The following TUBB8B variants were observed in gnomAD, a reference collection of about 807,000 sequenced individuals.
TUBB8B encodes the protein HSA18p11 beta-tubulin 4Q pseudogene.
TUBB8B carries 26 observed loss-of-function variants against 31.9 expected under a neutral mutation model. That is an observed-to-expected ratio of 0.81 (90% confidence interval 0.60 to 1.13). The LOEUF (loss-of-function observed/expected upper bound fraction) is 1.13. TUBB8B is among the 50% of genes most tolerant of loss of function. The probability of loss-of-function intolerance (pLI) is 0.00; values close to 1 mark genes in which losing one functional copy is unlikely to be tolerated. For synonymous variants in TUBB8B, 173 were observed against 231.0 expected (o/e 0.75, Z 2.28); for missense variants, 467 against 586.7 (o/e 0.80, Z 2.11).
the TUBB8B span, among the ~76,000 whole-genome samples, chr18:62,693 T>C: frequency 6.6e-6 from 1 of 151,866 alleles, no homozygotes; most frequent in African/African-American, 2.4e-5. Flanking sequence ...AGTGCTGGGA[T>C]TACAGGCGTG....
the TUBB8B span, among the ~76,000 whole-genome samples, chr18:68,507 TCCCAGCTGGGTCTGCC>T: frequency 3.3e-5 from 5 of 152,276 alleles, no homozygotes; most frequent in East Asian, 9.7e-4. Flanking sequence ...GGCAGATAAC[TCCCAGCTGGGTCTGCC>T]CCGTGTTTCC....
chr18:70,538 G>C, the TUBB8B span, among the ~76,000 whole-genome samples: 1 of 152,216 alleles, frequency 6.6e-6, no homozygotes, highest in African/African-American at 2.4e-5. Context: ...TCGGGGCTGA[G>C]GAAGGAGAAT....
At chr18:58,789 A>G in the TUBB8B span, among the ~76,000 whole-genome samples, 1 of 151,682 alleles carries the variant, frequency 6.6e-6, no homozygotes, top group Non-Finnish European at 1.5e-5. Context: ...TCCCATCACT[A>G]TAAATACCTG....
At chr18:65,146 C>T in the TUBB8B span, among the ~76,000 whole-genome samples, 4 of 151,852 alleles carry the variant, frequency 2.6e-5, no homozygotes, top group South Asian at 2.1e-4. Context: ...ACTAAAAATA[C>T]AAAAATTAGC....
chr18:62,364 T>A, the TUBB8B span, among the ~76,000 whole-genome samples: 1 of 151,638 alleles, frequency 6.6e-6, no homozygotes, highest in South Asian at 2.1e-4. Flanking sequence ...TGTACTTGAA[T>A]GTTGATATCA....
the TUBB8B span, among the ~76,000 whole-genome samples, chr18:63,365 G>A: frequency 6.6e-6 from 1 of 151,750 alleles, no homozygotes; most frequent in Non-Finnish European, 1.5e-5. Context: ...GGTGGCCTTG[G>A]ATTAACATTA....
upstream of TUBB8B, among the ~76,000 whole-genome samples, chr18:53,046 G>T (rs1465690720): frequency 2.0e-5 from 3 of 151,706 alleles, no homozygotes; most frequent in Admixed American, 2.0e-4. Flanking sequence ...TTTCAGGCTT[G>T]GTGGAAGATG....
chr18:52,168 GA>G (rs1906136263), upstream of TUBB8B, among the ~76,000 whole-genome samples: 1 of 151,976 alleles, frequency 6.6e-6, no homozygotes, highest in Non-Finnish European at 1.5e-5. Context: ...TTGCCAACTA[GA>G]AAAGTGGTAG....
the TUBB8B span, among the ~76,000 whole-genome samples, chr18:68,885 G>A: frequency 3.3e-5 from 5 of 152,122 alleles, no homozygotes; most frequent in Admixed American, 6.6e-5. Context: ...GGTGTCTCGA[G>A]TATTTAATGC....
chr18:53,859 C>G (rs1263895049), upstream of TUBB8B, among the ~76,000 whole-genome samples: 1 of 151,864 alleles, frequency 6.6e-6, no homozygotes, highest in East Asian at 1.9e-4. Flanking sequence ...TAGGAGAAGA[C>G]TGAGGACAAA....
the TUBB8B span, among the ~76,000 whole-genome samples, chr18:63,168 C>T: frequency 0.094 from 14,188 of 151,532 alleles, 1,211 homozygotes; most frequent in East Asian, 0.44. Context: ...GTCATGTTTT[C>T]CTGGATGGCC....
the TUBB8B span, chr18:73,455 A>ACCCCCCGTCCTCACG: frequency 6.8e-6 from 1 of 146,896 alleles, no homozygotes; most frequent in Admixed American, 7.1e-5. Context: ...CCGTCCTCAC[A>ACCCCCCGTCCTCACG]GTGGACCCCC....
the TUBB8B span, among the ~76,000 whole-genome samples, chr18:55,477 A>T: frequency 1.3e-5 from 2 of 151,810 alleles, no homozygotes; most frequent in African/African-American, 4.8e-5. Flanking sequence ...GGAAACTTAC[A>T]ATCATGGCAG....
the TUBB8B span, among the ~76,000 whole-genome samples, chr18:63,793 C>T: frequency 2.0e-5 from 3 of 148,686 alleles, no homozygotes; most frequent in Admixed American, 6.7e-5. Context: ...TAGCCCTAAC[C>T]GTTACGCTAA....
chr18:47,503 A>G lies in TUBB8B; in HGVS notation c.1222T>C (p.Phe408Leu). The G allele has an allele frequency of 1.3e-6, 2 of 1,585,482 alleles. No individual in the cohort carries two copies. The highest frequency in any genetic ancestry group is 1.3e-5 in the African/African-American group (1 of 74,266). The change falls in exon 4 of 4, where the codon TTC becomes CTC. Residue 408 changes from phenylalanine (F) to leucine (L), a missense_variant. By Grantham distance (22) the Phe-to-Leu change is conservative. This residue lies in a region of TUBB8B where 208 missense variants were observed against 206.7 expected (regional missense o/e 1.01). Transcript: ENST00000308911. ...TTCATGTTGCTCTCGGCCTCGGTGA[A>G]TTCCATCTCATCCATGCCCTCGCCC... ...YTGEGMDEME[F>L]TEAESNMNDL...
At chr18:53,396 T>C (rs549958230), upstream of TUBB8B, among the ~76,000 whole-genome samples, 3 of 152,068 alleles carry the variant, frequency 2.0e-5, no homozygotes, top group East Asian at 5.8e-4. Context: ...TGATTATAGT[T>C]AATATGCAAG....
chr18:68,840 G>A, the TUBB8B span, among the ~76,000 whole-genome samples: 148 of 152,174 alleles, frequency 9.7e-4, 1 homozygote, highest in African/African-American at 3.4e-3. Flanking sequence ...CTGCAGTCTC[G>A]TATGCTCTCT....
chr18:47,971 T>C lies in TUBB8B; in HGVS notation c.754A>G (p.Lys252Glu). The C allele has an allele frequency of 6.2e-7, 1 of 1,611,598 alleles. No homozygotes were observed. Among genetic ancestry groups the C allele is most frequent in the Non-Finnish European group, 8.5e-7 (1 of 1,179,906 alleles). ...FPGQLNADLR[K>E]LAVNMVPFPR... ...AACGGGACCATGTTCACGGCCAGCT[T>C]CCGCAGGTCAGCATTCAGCTGGCCT... is the stretch of plus-strand genomic sequence containing the variant. Residue 252 changes from lysine to glutamate, a missense_variant, in exon 4 of 4, where the codon AAG (lysine) becomes GAG (glutamate). By Grantham distance (56) the Lys-to-Glu change is moderately conservative. Coordinates refer to ENST00000308911, the MANE Select transcript of TUBB8B (RefSeq NM_001358689.2).
rs758328960 is a variant in TUBB8B at position 47,518 on chromosome 18, T to C, written c.1207A>G (p.Met403Val). The stretch of plus-strand genomic sequence containing the variant: ...GCCTCGGTGAATTCCATCTCATCCA[T>C]GCCCTCGCCCGTGTACCAGTGGAGG... ...AFLHWYTGEGMDEMEFTEAES... is the reference protein window; with the variant it reads ...AFLHWYTGEGVDEMEFTEAES... Residue 403 changes from methionine (M) to valine (V), a missense_variant, in exon 4 of 4, where the codon ATG (methionine) becomes GTG (valine). Physicochemically the swap from Met to Val is conservative, Grantham distance 21. Transcript: ENST00000308911. 5.8e-5 allele frequency: 92 copies of C among 1,596,798 alleles called. 3 individuals are homozygous for C. In the East Asian group the frequency reaches 1.9e-3, roughly 34 times the overall value.
Sources: allele counts gnomAD v4.1 joint callset (sites outside exome capture counted in the v4.1 genomes callset), GRCh38; gene constraint gnomAD v4.1.1; regional missense constraint gnomAD v4.1.1; transcripts MANE v1.5; gene names NCBI Gene and HGNC (gene_info 2026-07-23, HGNC 2026-07-21).